PCCA: variants seen among roughly 807,000 people sequenced by gnomAD.
PCCA encodes propionyl-CoA carboxylase alpha chain, mitochondrial.
A neutral mutation model predicts 101.3 loss-of-function variants in PCCA; 74 were observed. The observed-to-expected ratio is 0.73, with a 90% CI of 0.61 to 0.89. The LOEUF (loss-of-function observed/expected upper bound fraction) is 0.89, where lower values mean the gene tolerates loss of function less well. Among genes scored for constraint, PCCA ranks in the 40% least tolerant of loss-of-function variants. The probability of loss-of-function intolerance (pLI) is 0.00; values close to 1 mark genes in which losing one functional copy is unlikely to be tolerated. For missense variants in PCCA, 891 were observed against 907.0 expected (o/e 0.98, Z 0.23); for synonymous variants, 294 against 313.6 (o/e 0.94, Z 0.66).
At position 100,285,784 on chromosome 13, in the gene PCCA, C is replaced by G. The variant is rs184489951; in HGVS notation, c.1065+12438C>G. Among the ~76,000 whole-genome samples the G allele has an allele frequency of 3.2e-4, 48 of 152,278 alleles. No individual in the cohort carries two copies. The East Asian group carries it at 8.3e-3, about 26-fold the overall frequency. On this transcript the variant is annotated intron_variant, in intron 12 of 23. Coordinates refer to ENST00000376285, the MANE Select transcript of PCCA (RefSeq NM_000282.4). ...AGACTTATGCTGCCCGAGATGATCT[C>G]GTAGAAGTCCCCTTAACTAATCCTG...
chr13:100,227,436 A>G (rs1221540119), intron 7 of PCCA, among the ~76,000 whole-genome samples: 6 of 152,194 alleles, frequency 3.9e-5, no homozygotes, highest in African/African-American at 1.2e-4. Context: ...TTTTTGTAGC[A>G]TCATCCACCA....
Position 100,444,202 on chromosome 13 carries a change from A to T in PCCA, c.1846-5050A>T, listed in dbSNP as rs112855659. Reference sequence around the variant, plus strand: ...TTGTTAACTGTCTCATCAGCCCACAATTTTTTTTTTTTTTTTTGAGACGGT... The same window carrying T: ...TTGTTAACTGTCTCATCAGCCCACATTTTTTTTTTTTTTTTTTGAGACGGT... On this transcript the variant is annotated intron_variant, in intron 20 of 23. Coordinates refer to ENST00000376285, the MANE Select transcript of PCCA (RefSeq NM_000282.4). Among the ~76,000 whole-genome samples the T allele has an allele frequency of 9.5e-4, 115 of 120,772 alleles. 1 individual carries two copies. Among genetic ancestry groups the T allele is most frequent in the African/African-American group, 3.5e-3 (110 of 31,446 alleles). The allele number at this position is 120,772 out of a possible 152,430, so 79.2% of individuals were successfully genotyped here.
At chr13:100,457,404 C>T (rs1441059288) in intron 21 of PCCA, among the ~76,000 whole-genome samples, 1 of 152,066 alleles carries the variant, frequency 6.6e-6, no homozygotes, top group Non-Finnish European at 1.5e-5. Flanking sequence ...AATCAGCCTG[C>T]GACATTTCAT....
intron 2 of PCCA, among the ~76,000 whole-genome samples, chr13:100,108,210 A>G (rs1000062089): frequency 1.3e-5 from 2 of 152,194 alleles, no homozygotes; most frequent in African/African-American, 2.4e-5. Flanking sequence ...AAAAATAACA[A>G]CAGCAAAAAA....
At chr13:100,265,171 A>C (rs907630253) in intron 10 of PCCA, among the ~76,000 whole-genome samples, 2 of 152,200 alleles carry the variant, frequency 1.3e-5, no homozygotes, top group Admixed American at 1.3e-4. Flanking sequence ...TCTTTCAAAG[A>C]ACAGAAGTTC....
chr13:100,449,359 C>G, intron 21 of PCCA, 54 bp downstream of exon 21: 1 of 1,025,544 alleles, frequency 9.8e-7, no homozygotes, highest in Non-Finnish European at 1.5e-6. Flanking sequence ...AAATGTTCAA[C>G]TAGTTGTAGC....
intron 7 of PCCA, among the ~76,000 whole-genome samples, chr13:100,225,953 G>T (rs1250660417): frequency 6.6e-6 from 1 of 152,032 alleles, no homozygotes; most frequent in Non-Finnish European, 1.5e-5. Flanking sequence ...TGCCACACCT[G>T]GCTAACTTTT....
intron 16 of PCCA, among the ~76,000 whole-genome samples, chr13:100,326,687 TCTC>T (rs1462551555): frequency 3.3e-5 from 5 of 151,960 alleles, no homozygotes; most frequent in African/African-American, 1.2e-4. Context: ...TCTTCCTCCT[TCTC>T]CTCAGTCTAC....
intron 12 of PCCA, among the ~76,000 whole-genome samples, chr13:100,298,389 G>A (rs573761711): frequency 1.7e-4 from 26 of 152,068 alleles, no homozygotes; most frequent in Admixed American, 9.8e-4. Context: ...AGATTAACCC[G>A]GTGTTTCCCA....
At chr13:100,122,979 G>C (rs1168824841) in intron 4 of PCCA, among the ~76,000 whole-genome samples, 1 of 152,218 alleles carries the variant, frequency 6.6e-6, no homozygotes, top group African/African-American at 2.4e-5. Context: ...GATACAGTTA[G>C]TCAAGAGCTA....
intron 19 of PCCA, among the ~76,000 whole-genome samples, chr13:100,392,239 G>A (rs755057639): frequency 1.2e-4 from 18 of 152,098 alleles, no homozygotes; most frequent in African/African-American, 2.9e-4. Context: ...ACAGTGAAGC[G>A]GGAAGGAAGG....
intron 19 of PCCA, among the ~76,000 whole-genome samples, chr13:100,392,698 G>T (rs1275152379): frequency 6.6e-6 from 1 of 152,206 alleles, no homozygotes; most frequent in Non-Finnish European, 1.5e-5. Context: ...TTGGGGCAGA[G>T]GAGGTAGCAG....
chr13:100,306,027 C>T (rs775511344), intron 14 of PCCA, among the ~76,000 whole-genome samples: 2 of 152,180 alleles, frequency 1.3e-5, no homozygotes, highest in South Asian at 2.1e-4. Flanking sequence ...ATGAAACTAT[C>T]GCTTGTCTTC....
chr13:100,152,797 A>G (rs1370865838), intron 4 of PCCA, among the ~76,000 whole-genome samples: 3 of 152,208 alleles, frequency 2.0e-5, no homozygotes, highest in South Asian at 2.1e-4. Flanking sequence ...AAAAATGTCT[A>G]TTATGCTAGT....
At chr13:100,178,097 GA>G (rs2056412077) in intron 6 of PCCA, among the ~76,000 whole-genome samples, 1 of 152,104 alleles carries the variant, frequency 6.6e-6, no homozygotes, top group Admixed American at 6.5e-5. Context: ...CTCCACTTAT[GA>G]ATATGTGATA....
At chr13:100,141,170 TC>T (rs1301375535) in intron 4 of PCCA, among the ~76,000 whole-genome samples, 1 of 152,180 alleles carries the variant, frequency 6.6e-6, no homozygotes, top group Non-Finnish European at 1.5e-5. Flanking sequence ...CCATTCAAGT[TC>T]CTACTGATTT....
intron 21 of PCCA, among the ~76,000 whole-genome samples, chr13:100,500,853 T>C (rs2085612249): frequency 6.6e-6 from 1 of 152,218 alleles, no homozygotes; most frequent in Non-Finnish European, 1.5e-5. Flanking sequence ...ACTTTAAAGA[T>C]GTTTCTTTAG....
chr13:100,379,934 C>T (rs1031529889), intron 19 of PCCA, among the ~76,000 whole-genome samples: 1 of 152,042 alleles, frequency 6.6e-6, no homozygotes, highest in African/African-American at 2.4e-5. Flanking sequence ...CAATTCCTGC[C>T]GAAGTCCAAG....
intron 6 of PCCA, chr13:100,161,301 A>G (rs2054443888): frequency 6.6e-6 from 1 of 152,222 alleles, no homozygotes. Flanking sequence ...AGTATTTATC[A>G]AAATTTAAAA....
Sources: gnomAD v4.1 joint callset for allele counts (sites outside exome capture counted in the v4.1 genomes callset) on GRCh38, gnomAD v4.1.1 for gene constraint, MANE v1.5 for transcripts, NCBI Gene and HGNC (gene_info 2026-07-23, HGNC 2026-07-21) for gene names.